CEP57L1: variants seen among roughly 807,000 people sequenced by gnomAD.
CEP57L1 encodes centrosomal protein 57 like 1.
A neutral mutation model predicts 61.0 loss-of-function variants in CEP57L1; 37 were observed. That is an observed-to-expected ratio of 0.61 (90% CI 0.47 to 0.80). CEP57L1 has a LOEUF of 0.80. CEP57L1 is among the 30% of genes least tolerant of loss of function. The pLI is 0.00. For missense variants in CEP57L1, 422 were observed against 524.7 expected, an observed-to-expected ratio of 0.80 and a Z score of 1.91; for synonymous variants, 137 against 162.3, an observed-to-expected ratio of 0.84 and a Z score of 1.19.
At chr6:109,160,937 A>G (rs1773665253) in intron 10 of CEP57L1, among the ~76,000 whole-genome samples, 1 of 152,186 alleles carries the variant, frequency 6.6e-6, no homozygotes, top group African/African-American at 2.4e-5. Context: ...AAGTGAGCAA[A>G]TAAGTTCAGT....
In CEP57L1 at chr6:109,105,615, CTTT is replaced by C. The variant is rs1194194625; in HGVS notation, c.-4+10043_-4+10045del. 2.0e-5 allele frequency among the ~76,000 whole-genome samples: 3 copies of C among 152,264 alleles called. No individual in the cohort carries two copies. The East Asian group carries it at 5.8e-4, about 29-fold the overall frequency. On this transcript the variant is annotated intron_variant, in intron 1 of 10. Coordinates refer to ENST00000517392, the MANE Select transcript of CEP57L1 (RefSeq NM_001271852.3). ...TTAATAACTAGAAAAACAGTACCAT[CTTT>C]TTGTTCTTTTTCACAGTGCCCTTAC...
chr6:109,141,366 C>G (rs1375863549), intron 1 of CEP57L1, among the ~76,000 whole-genome samples: 1 of 151,976 alleles, frequency 6.6e-6, no homozygotes, highest in Non-Finnish European at 1.5e-5. Context: ...CAGGCATCCA[C>G]CACCACGCCT....
upstream of CEP57L1, chr6:109,095,272 G>A (rs1289472485): frequency 2.0e-6 from 2 of 985,800 alleles, no homozygotes; most frequent in South Asian, 4.7e-5. Flanking sequence ...GAAGTACACT[G>A]AGACTTCGTC....
intron 4 of CEP57L1, 89 bp from the exon 5 acceptor site, chr6:109,153,744 G>A (rs888662349): frequency 1.3e-6 from 1 of 774,870 alleles, no homozygotes; most frequent in Non-Finnish European, 2.3e-6. Flanking sequence ...TTTATATTGT[G>A]TTTTGAATTC....
chr6:109,149,312 G>A (rs1177698679), intron 3 of CEP57L1, among the ~76,000 whole-genome samples: 1 of 152,148 alleles, frequency 6.6e-6, no homozygotes, highest in Non-Finnish European at 1.5e-5. Context: ...TGTAAGGAAG[G>A]GATCCAGTTT....
intron 1 of CEP57L1, among the ~76,000 whole-genome samples, chr6:109,136,582 C>T (rs1770724373): frequency 3.4e-5 from 5 of 147,208 alleles, no homozygotes; most frequent in Non-Finnish European, 7.5e-5. Context: ...AAAAAAGATA[C>T]CATTTTTATC....
intron 1 of CEP57L1, among the ~76,000 whole-genome samples, chr6:109,135,060 C>G (rs1346446081): frequency 2.0e-5 from 3 of 151,876 alleles, no homozygotes; most frequent in Non-Finnish European, 1.5e-5. Context: ...TTGGAAAAAA[C>G]TACTTTAAAG....
intron 1 of CEP57L1, among the ~76,000 whole-genome samples, chr6:109,116,025 A>G (rs949118464): frequency 8.5e-5 from 13 of 152,136 alleles, no homozygotes; most frequent in African/African-American, 3.1e-4. Context: ...TTTTGGTCAA[A>G]AAAAGGAAAG....
At chr6:109,128,689 T>G (rs1773845600) in intron 1 of CEP57L1, among the ~76,000 whole-genome samples, 1 of 152,186 alleles carries the variant, frequency 6.6e-6, no homozygotes, top group South Asian at 2.1e-4. Context: ...TTTTAGCCTG[T>G]TTTTTACTGC....
chr6:109,162,422 C>T (rs1773798515), intron 10 of CEP57L1, among the ~76,000 whole-genome samples: 1 of 152,048 alleles, frequency 6.6e-6, no homozygotes, highest in African/African-American at 2.4e-5. Flanking sequence ...CCTTATCCGA[C>T]TTTGGCCTTC....
At position 109,113,250 on chromosome 6, in the gene CEP57L1, A is replaced by ATAATT. The variant is rs1398668932; in HGVS notation, c.-4+17677_-4+17681dup. Among the ~76,000 whole-genome samples the ATAATT allele has an allele frequency of 2.6e-5, 4 of 152,168 alleles. No homozygotes were observed. In the East Asian group the frequency reaches 7.7e-4, roughly 29 times the overall value. Reference sequence around the variant, plus strand: ...TATTTCTTTAAGCCAATTTATCTTCATAATTTTCTTTGTAACATGGATCGT... The same window carrying ATAATT: ...TATTTCTTTAAGCCAATTTATCTTCATAATTTAATTTTCTTTGTAACATGGATCGT... On this transcript the variant is annotated intron_variant, in intron 1 of 10. Transcript: ENST00000517392.
intron 1 of CEP57L1, among the ~76,000 whole-genome samples, chr6:109,139,429 A>G (rs1325572072): frequency 6.6e-6 from 1 of 152,052 alleles, no homozygotes; most frequent in African/African-American, 2.4e-5. Context: ...CCACCATAGT[A>G]GCTGGAATTA....
chr6:109,142,415 A>G (rs928039825), intron 1 of CEP57L1, among the ~76,000 whole-genome samples: 3 of 152,150 alleles, frequency 2.0e-5, no homozygotes, highest in African/African-American at 7.2e-5. Context: ...GAACATTGAG[A>G]ACACCTGGAC....
At chr6:109,142,946 G>GCTCTCT (rs35714375) in intron 1 of CEP57L1, among the ~76,000 whole-genome samples, 28 of 55,504 alleles carry the variant, frequency 5.0e-4, no homozygotes, top group Non-Finnish European at 5.9e-4. Context: ...TGTCTCTCTT[G>GCTCTCT]CTCTCTCTCT....
At chr6:109,095,844 C>T (rs554094165) in intron 1 of CEP57L1, among the ~76,000 whole-genome samples, 1 of 152,304 alleles carries the variant, frequency 6.6e-6, no homozygotes, top group East Asian at 1.9e-4. Flanking sequence ...TGGAGCTTCG[C>T]GCTGCTGCCT....
At chr6:109,142,192 G>A (rs1410638318) in intron 1 of CEP57L1, among the ~76,000 whole-genome samples, 1 of 152,032 alleles carries the variant, frequency 6.6e-6, no homozygotes, top group East Asian at 1.9e-4. Flanking sequence ...TGTCAAGAAT[G>A]GTTTCAGGAA....
At position 109,150,136 on chromosome 6, in the gene CEP57L1, G is replaced by T; in HGVS notation, c.359G>T (p.Ser120Ile). The change falls in exon 4 of 11, where the codon AGC becomes ATC. Residue 120 changes from serine to isoleucine, a missense_variant. Transcript: ENST00000517392. ...TTCATAGATATAAGTATACAGTTAA[G>T]CTCAGCCCAGTCTCGTTGTACTCTT... is the stretch of plus-strand genomic sequence containing the variant. ...KQKKDISIQLSSAQSRCTLLE... is the reference protein window; with the variant it reads ...KQKKDISIQLISAQSRCTLLE... 1 of 1,604,966 alleles carries T rather than the reference G, an allele frequency of 6.2e-7. No homozygotes were observed. Among genetic ancestry groups the T allele is most frequent in the Non-Finnish European group, 8.5e-7 (1 of 1,172,290 alleles).
chr6:109,123,906 T>C (rs2114714614), intron 1 of CEP57L1, among the ~76,000 whole-genome samples: 1 of 151,764 alleles, frequency 6.6e-6, no homozygotes, highest in Non-Finnish European at 1.5e-5. Flanking sequence ...CCGTCTTTAT[T>C]AAAAAAATAC....
chr6:109,136,843 C>T lies in CEP57L1; in HGVS notation c.-3-8376C>T, dbSNP rs560751772. ...CAATCTCGGCTCACTGCAGCCTCCA[C>T]CTCCCAGGTTCAAGTGATTCTCCTG... On this transcript the variant is annotated intron_variant, in intron 1 of 10. Transcript: ENST00000517392. Among the ~76,000 whole-genome samples the T allele has an allele frequency of 2.4e-4, 37 of 152,106 alleles. 1 individual carries two copies. In the South Asian group the frequency reaches 4.1e-3, roughly 17 times the overall value.
Sources: gnomAD v4.1 joint callset for allele counts (sites outside exome capture counted in the v4.1 genomes callset) on GRCh38, gnomAD v4.1.1 for gene constraint, MANE v1.5 for transcripts, NCBI Gene and HGNC (gene_info 2026-07-23, HGNC 2026-07-21) for gene names.